ITGA9: variants seen among roughly 807,000 people sequenced by gnomAD.
ITGA9 encodes the protein integrin subunit alpha 9, also known as integrin alpha-9.
ITGA9 carries 56 observed loss-of-function variants against 127.8 expected under a neutral mutation model. The observed-to-expected ratio is 0.44, with a 90% CI of 0.35 to 0.55. The LOEUF (loss-of-function observed/expected upper bound fraction) is 0.55, where lower values mean the gene tolerates loss of function less well. Ranked by LOEUF, ITGA9 falls within the 20% of genes least tolerant of loss-of-function variation. ITGA9 has a pLI of 0.00. For missense variants in ITGA9, 1,196 were observed against 1,347.1 expected, an observed-to-expected ratio of 0.89 and a Z score of 1.76; for synonymous variants, 508 against 514.5, an observed-to-expected ratio of 0.99 and a Z score of 0.17.
At chr3:37,456,010 G>C (rs1383559396) in intron 1 of ITGA9, among the ~76,000 whole-genome samples, 1 of 152,168 alleles carries the variant, frequency 6.6e-6, no homozygotes, top group Non-Finnish European at 1.5e-5. Flanking sequence ...GAGGATCCTA[G>C]ATCCCTGTGT....
chr3:37,728,370 T>C (rs1285623714), intron 18 of ITGA9, among the ~76,000 whole-genome samples: 2 of 152,220 alleles, frequency 1.3e-5, no homozygotes, highest in Non-Finnish European at 2.9e-5. Context: ...TTTAATTGAA[T>C]TGATTTTTTA....
intron 15 of ITGA9, among the ~76,000 whole-genome samples, chr3:37,619,698 C>T (rs750028006): frequency 2.0e-5 from 3 of 152,188 alleles, no homozygotes; most frequent in East Asian, 1.9e-4. Flanking sequence ...GCCTGCTTAG[C>T]GTTTCACAAG....
chr3:37,669,058 G>T (rs943217085), intron 17 of ITGA9, among the ~76,000 whole-genome samples: 1 of 152,226 alleles, frequency 6.6e-6, no homozygotes, highest in African/African-American at 2.4e-5. Context: ...TGCAGTGAGA[G>T]GGAAGGTACC....
chr3:37,568,864 C>T (rs1429777363), intron 15 of ITGA9, among the ~76,000 whole-genome samples: 1 of 152,234 alleles, frequency 6.6e-6, no homozygotes, highest in Non-Finnish European at 1.5e-5. Flanking sequence ...TCTCACATTT[C>T]CTGTCTTCTT....
At chr3:37,657,916 G>T (rs144716596) in intron 17 of ITGA9, among the ~76,000 whole-genome samples, 1 of 152,134 alleles carries the variant, frequency 6.6e-6, no homozygotes, top group Non-Finnish European at 1.5e-5. Flanking sequence ...TGGTTTCAAA[G>T]AACTTATTTA....
chr3:37,688,907 T>C (rs1472623432), intron 18 of ITGA9, among the ~76,000 whole-genome samples: 1 of 151,056 alleles, frequency 6.6e-6, no homozygotes, highest in Non-Finnish European at 1.5e-5. Context: ...TGGATAGTTA[T>C]GTGGATAGGT....
At chr3:37,724,149 C>T (rs1701220638) in intron 18 of ITGA9, among the ~76,000 whole-genome samples, 1 of 152,174 alleles carries the variant, frequency 6.6e-6, no homozygotes. Context: ...GGGCACACAG[C>T]TGCAACTTCC....
At chr3:37,680,075 T>C (rs1169305651) in intron 17 of ITGA9, among the ~76,000 whole-genome samples, 1 of 152,162 alleles carries the variant, frequency 6.6e-6, no homozygotes, top group Admixed American at 6.5e-5. Context: ...TGGGTTATGT[T>C]GGAGAGGAAT....
At chr3:37,482,702 A>G (rs1340244085) in intron 4 of ITGA9, among the ~76,000 whole-genome samples, 1 of 152,168 alleles carries the variant, frequency 6.6e-6, no homozygotes, top group African/African-American at 2.4e-5. Flanking sequence ...TGACACAGGT[A>G]GGGTGCTCTG....
rs534591997 is a variant in ITGA9 at position 37,521,605 on chromosome 3, T to G, written c.1237-1916T>G. 2.1e-4 allele frequency among the ~76,000 whole-genome samples: 32 copies of G among 152,316 alleles called. 1 individual carries two copies. In the South Asian group the frequency reaches 6.6e-3, roughly 32 times the overall value. ...ACTGGGCAGACTTATCTTCTTGGCT[T>G]TTAGCATAATGGCCTGCAGATGTCT... On this transcript the variant is annotated intron_variant, in intron 11 of 27. Coordinates refer to ENST00000264741, the MANE Select transcript of ITGA9 (RefSeq NM_002207.3).
intron 15 of ITGA9, chr3:37,585,477 C>A: frequency 2.3e-6 from 1 of 429,124 alleles, no homozygotes. Flanking sequence ...AGAGCGAATT[C>A]AAATAAATAA....
intron 27 of ITGA9, among the ~76,000 whole-genome samples, chr3:37,805,612 A>T (rs1697285824): frequency 6.6e-6 from 1 of 152,162 alleles, no homozygotes; most frequent in African/African-American, 2.4e-5. Context: ...AAAGCCTAGA[A>T]ATAGAATTGC....
At chr3:37,741,253 C>T (rs566559170) in intron 20 of ITGA9, among the ~76,000 whole-genome samples, 5 of 152,344 alleles carry the variant, frequency 3.3e-5, no homozygotes, top group Admixed American at 2.0e-4. Flanking sequence ...GCCTGACAGG[C>T]AGGTGCCAGG....
chr3:37,798,956 A>T (rs1362448016), intron 26 of ITGA9, among the ~76,000 whole-genome samples: 4 of 152,156 alleles, frequency 2.6e-5, no homozygotes, highest in Non-Finnish European at 5.9e-5. Context: ...ATCATTTTTA[A>T]TAGTTCTGTG....
intron 17 of ITGA9, among the ~76,000 whole-genome samples, chr3:37,656,236 A>G (rs1485397304): frequency 2.6e-5 from 4 of 152,218 alleles, no homozygotes; most frequent in Non-Finnish European, 1.5e-5. Flanking sequence ...GAAGAAAGTC[A>G]GTTATAGCTT....
intron 3 of ITGA9, among the ~76,000 whole-genome samples, chr3:37,480,804 C>G (rs1698544860): frequency 6.6e-6 from 1 of 152,150 alleles, no homozygotes; most frequent in Non-Finnish European, 1.5e-5. Context: ...TCCACTGCCC[C>G]TCCTGGTCCA....
At chr3:37,559,600 G>A (rs938354021) in intron 15 of ITGA9, among the ~76,000 whole-genome samples, 1 of 152,210 alleles carries the variant, frequency 6.6e-6, no homozygotes, top group Non-Finnish European at 1.5e-5. Context: ...CTGCCAGATG[G>A]TAATTTTGGA....
chr3:37,560,133 G>C (rs1699472212), intron 15 of ITGA9, among the ~76,000 whole-genome samples: 1 of 151,322 alleles, frequency 6.6e-6, no homozygotes, highest in Admixed American at 6.6e-5. Context: ...CCCGGTGTGT[G>C]ATGTTCCCTG....
intron 1 of ITGA9, among the ~76,000 whole-genome samples, chr3:37,467,486 C>G (rs1698384798): frequency 6.6e-6 from 1 of 152,184 alleles, no homozygotes; most frequent in Non-Finnish European, 1.5e-5. Flanking sequence ...GGGTCCCCTC[C>G]TGCTTAGATA....
Sources: allele counts gnomAD v4.1 joint callset (sites outside exome capture counted in the v4.1 genomes callset), GRCh38; gene constraint gnomAD v4.1.1; transcripts MANE v1.5; gene names NCBI Gene and HGNC (gene_info 2026-07-23, HGNC 2026-07-21).